NTN1: variants seen among roughly 807,000 people sequenced by gnomAD.
The protein encoded by NTN1 is netrin-1.
In NTN1, 11 loss-of-function variants were observed where a neutral mutation model predicts 54.2. The observed-to-expected ratio is 0.20, with a 90% confidence interval of 0.13 to 0.34. The LOEUF (loss-of-function observed/expected upper bound fraction) is 0.34, where lower values mean the gene tolerates loss of function less well. Ranked by LOEUF, NTN1 falls within the 10% of genes least tolerant of loss-of-function variation. The probability of loss-of-function intolerance (pLI) is 1.00; values close to 1 mark genes in which losing one functional copy is unlikely to be tolerated. For synonymous variants in NTN1, 371 were observed against 382.0 expected, an observed-to-expected ratio of 0.97 and a Z score of 0.33; for missense variants, 740 against 893.1, an observed-to-expected ratio of 0.83 and a Z score of 2.18.
At chr17:9,182,841 T>TTCTAAAGTCAAAAATCATG in intron 4 of NTN1, 75 bp from the exon 5 acceptor site, 4 of 1,490,114 alleles carry the variant, frequency 2.7e-6, no homozygotes, top group Non-Finnish European at 2.8e-6. Context: ...GCTGGGCTCA[T>TTCTAAAGTCAAAAATCATG]TCTAAAGTCA....
intron 2 of NTN1, among the ~76,000 whole-genome samples, chr17:9,121,495 C>CTCT (rs1249162882): frequency 6.6e-6 from 1 of 152,134 alleles, no homozygotes; most frequent in Non-Finnish European, 1.5e-5. Flanking sequence ...TCTCTGTGAC[C>CTCT]TCTTGGCAGT....
chr17:9,057,856 T>C (rs1423482379), intron 2 of NTN1, among the ~76,000 whole-genome samples: 3 of 152,340 alleles, frequency 2.0e-5, no homozygotes, highest in East Asian at 3.9e-4. Context: ...CAGTTCATTT[T>C]TAAAATTTTT....
chr17:9,012,523 A>C, the NTN1 span, among the ~76,000 whole-genome samples: 5 of 77,172 alleles, frequency 6.5e-5, no homozygotes, highest in African/African-American at 2.9e-4. Context: ...AACAAAACAA[A>C]ACAAAAACAA....
chr17:9,122,236 G>T (rs192267532), intron 2 of NTN1, among the ~76,000 whole-genome samples: 1 of 151,980 alleles, frequency 6.6e-6, no homozygotes, highest in African/African-American at 2.4e-5. Flanking sequence ...GGGTTTCACC[G>T]TGTTAGCCAG....
In NTN1 at chr17:9,113,033, TA is replaced by T. The variant is rs201511171; in HGVS notation, c.1019-49779del. On this transcript the variant is annotated intron_variant, in intron 2 of 6. Transcript: ENST00000173229. ...TTGTATACAGAATTTTTTTTATTTT[TA>T]TTTTTTTGAGACAGAGTCTCACTCT... Among the ~76,000 whole-genome samples, 116 of 148,522 alleles carry T rather than the reference TA, an allele frequency of 7.8e-4. 3 individuals carry two copies. The highest frequency in any genetic ancestry group is 1.1e-3 in the Admixed American group (16 of 14,946).
chr17:9,231,337 G>A (rs1905803721), intron 6 of NTN1, among the ~76,000 whole-genome samples: 1 of 152,162 alleles, frequency 6.6e-6, no homozygotes, highest in Non-Finnish European at 1.5e-5. Context: ...CAGGAGCTTT[G>A]GGGGGCATCT....
intron 2 of NTN1, among the ~76,000 whole-genome samples, chr17:9,148,106 G>T (rs866336084): frequency 5.9e-5 from 9 of 152,148 alleles, no homozygotes; most frequent in Admixed American, 2.6e-4. Flanking sequence ...GGGCAGAGGG[G>T]CGTGGTCTGT....
At chr17:9,167,651 A>C (rs913134285) in intron 3 of NTN1, among the ~76,000 whole-genome samples, 5 of 152,192 alleles carry the variant, frequency 3.3e-5, no homozygotes, top group African/African-American at 2.4e-5. Flanking sequence ...CCAGGGCAAA[A>C]GCATGCAATC....
chr17:9,156,776 A>C (rs1273131207), intron 2 of NTN1, among the ~76,000 whole-genome samples: 6 of 152,216 alleles, frequency 3.9e-5, no homozygotes, highest in Non-Finnish European at 8.8e-5. Flanking sequence ...AGCAACAATC[A>C]GATGTCGCAA....
At chr17:9,114,160 A>ATATATATATATATAT (rs1310655092) in intron 2 of NTN1, among the ~76,000 whole-genome samples, 34 of 94,324 alleles carry the variant, frequency 3.6e-4, no homozygotes, top group African/African-American at 7.4e-4. Context: ...AAAGAAAAAA[A>ATATATATATATATAT]AAAAAAATAT....
At chr17:9,238,867 G>A (rs1906086073) in intron 6 of NTN1, among the ~76,000 whole-genome samples, 1 of 152,216 alleles carries the variant, frequency 6.6e-6, no homozygotes. Context: ...ACCCAGATCT[G>A]TTCAATCTGA....
chr17:9,005,391 T>A, the NTN1 span, among the ~76,000 whole-genome samples: 1 of 152,166 alleles, frequency 6.6e-6, no homozygotes, highest in African/African-American at 2.4e-5. Flanking sequence ...AATCTCGGAC[T>A]CTGGGCATCA....
At chr17:9,011,104 A>G in the NTN1 span, among the ~76,000 whole-genome samples, 1 of 152,176 alleles carries the variant, frequency 6.6e-6, no homozygotes, top group Non-Finnish European at 1.5e-5. Context: ...GTGAGAATCT[A>G]ACGCAGCTGA....
intron 5 of NTN1, among the ~76,000 whole-genome samples, chr17:9,209,140 CTCCTAAA>C (rs1033351116): frequency 1.3e-4 from 20 of 152,336 alleles, no homozygotes; most frequent in Non-Finnish European, 1.9e-4. Flanking sequence ...TAGTCATTTC[CTCCTAAA>C]TCCTGTGAAT....
At chr17:9,139,111 T>G (rs2092289927) in intron 2 of NTN1, among the ~76,000 whole-genome samples, 1 of 151,978 alleles carries the variant, frequency 6.6e-6, no homozygotes, top group Non-Finnish European at 1.5e-5. Flanking sequence ...CCAAGCATAG[T>G]CTTTCGTGGA....
chr17:9,105,660 T>TTCTCTCTCTC (rs72039051), intron 2 of NTN1, among the ~76,000 whole-genome samples: 5 of 142,100 alleles, frequency 3.5e-5, no homozygotes, highest in African/African-American at 1.2e-4. Flanking sequence ...CTCTCTCTCT[T>TTCTCTCTCTC]TCTCTCTCTC....
chr17:9,230,143 A>G (rs1905756962), intron 6 of NTN1, among the ~76,000 whole-genome samples: 1 of 152,080 alleles, frequency 6.6e-6, no homozygotes, highest in African/African-American at 2.4e-5. Context: ...CAATCCCTTC[A>G]AGTGTGGAAA....
At chr17:9,076,474 G>A (rs1480756185) in intron 2 of NTN1, among the ~76,000 whole-genome samples, 1 of 152,192 alleles carries the variant, frequency 6.6e-6, no homozygotes, top group Non-Finnish European at 1.5e-5. Context: ...CTGGGGTCAA[G>A]CAATCCTCCC....
chr17:9,074,558 C>T (rs1041032171), intron 2 of NTN1, among the ~76,000 whole-genome samples: 68 of 152,212 alleles, frequency 4.5e-4, no homozygotes, highest in Non-Finnish European at 1.0e-4. Context: ...TCACTCAACA[C>T]GCCCAAGTAG....
Sources: allele counts gnomAD v4.1 joint callset (sites outside exome capture counted in the v4.1 genomes callset), GRCh38; gene constraint gnomAD v4.1.1; transcripts MANE v1.5; gene names NCBI Gene and HGNC (gene_info 2026-07-23, HGNC 2026-07-21).